Variants in GALNTL6 observed in about 807,000 individuals in gnomAD.
The protein encoded by GALNTL6 is polypeptide N-acetylgalactosaminyltransferase-like 6.
Under a neutral mutation model 73.7 loss-of-function variants are expected in GALNTL6, and 46 were observed. The ratio of observed to expected loss-of-function variants is 0.62; its 90% CI spans 0.49 to 0.80. GALNTL6 has a LOEUF of 0.80. GALNTL6 is among the 30% of genes least tolerant of loss of function. GALNTL6 has a pLI of 0.00. For missense variants in GALNTL6, 604 were observed against 755.0 expected (o/e 0.80, Z 2.34); for synonymous variants, 259 against 263.7 (o/e 0.98, Z 0.17).
At chr4:172,135,574 G>T (rs1393215360) in intron 2 of GALNTL6, among the ~76,000 whole-genome samples, 1 of 151,882 alleles carries the variant, frequency 6.6e-6, no homozygotes, top group South Asian at 2.1e-4. Context: ...CGTCCTTCAG[G>T]GCTTCAATTG....
chr4:172,739,253 G>T (rs1340223644), intron 5 of GALNTL6, among the ~76,000 whole-genome samples: 1 of 152,130 alleles, frequency 6.6e-6, no homozygotes, highest in Non-Finnish European at 1.5e-5. Context: ...TGAGATTGTG[G>T]ATGACTATTT....
chr4:173,005,536 T>A (rs1313927702), intron 10 of GALNTL6, among the ~76,000 whole-genome samples: 2 of 144,114 alleles, frequency 1.4e-5, no homozygotes, highest in Non-Finnish European at 3.1e-5. Context: ...TTAAAAAAAA[T>A]ATATTATTAG....
intron 5 of GALNTL6, among the ~76,000 whole-genome samples, chr4:172,560,532 G>A (rs1158652945): frequency 1.3e-5 from 2 of 152,076 alleles, no homozygotes; most frequent in African/African-American, 2.4e-5. Flanking sequence ...GCAGAAGGTT[G>A]TGGGTTGGAT....
chr4:172,690,671 G>A (rs934482104), intron 5 of GALNTL6, among the ~76,000 whole-genome samples: 10 of 152,204 alleles, frequency 6.6e-5, no homozygotes, highest in African/African-American at 2.4e-4. Flanking sequence ...TTCCTTAGAC[G>A]GAAAAGTGAC....
chr4:172,852,802 G>T (rs556251809), intron 7 of GALNTL6, among the ~76,000 whole-genome samples: 2 of 151,892 alleles, frequency 1.3e-5, no homozygotes, highest in African/African-American at 4.8e-5. Flanking sequence ...TAAAGAAACC[G>T]GATCAAAAAA....
At chr4:172,958,581 T>C (rs1561055966) in intron 10 of GALNTL6, among the ~76,000 whole-genome samples, 1 of 152,148 alleles carries the variant, frequency 6.6e-6, no homozygotes, top group East Asian at 1.9e-4. Context: ...GGAAAGGAGT[T>C]GTTGTTTTGT....
At chr4:172,098,256 G>C (rs897822608) in intron 2 of GALNTL6, among the ~76,000 whole-genome samples, 2 of 151,942 alleles carry the variant, frequency 1.3e-5, no homozygotes, top group African/African-American at 4.8e-5. Flanking sequence ...CTAATAAGAT[G>C]TGAACTAAAT....
intron 2 of GALNTL6, among the ~76,000 whole-genome samples, chr4:172,201,616 T>G (rs2110903077): frequency 6.6e-6 from 1 of 152,278 alleles, no homozygotes; most frequent in Non-Finnish European, 1.5e-5. Flanking sequence ...ATAAACTGTT[T>G]AATTTTAAGA....
At chr4:172,126,458 G>A (rs1386982529) in intron 2 of GALNTL6, among the ~76,000 whole-genome samples, 2 of 152,038 alleles carry the variant, frequency 1.3e-5, no homozygotes, top group East Asian at 1.9e-4. Context: ...ACAGAACACC[G>A]GCGTTCAATA....
chr4:172,753,213 T>G (rs1737535109), intron 5 of GALNTL6, among the ~76,000 whole-genome samples: 1 of 152,262 alleles, frequency 6.6e-6, no homozygotes, highest in South Asian at 2.1e-4. Context: ...CTCTCTTGCC[T>G]GCTGCCATGG....
chr4:172,321,088 ATTG>A (rs1434691868), intron 4 of GALNTL6, among the ~76,000 whole-genome samples: 5 of 152,176 alleles, frequency 3.3e-5, no homozygotes, highest in Non-Finnish European at 7.3e-5. Flanking sequence ...TGATTTTATT[ATTG>A]TTGTTAATCT....
At chr4:172,464,091 G>C (rs1453609041) in intron 5 of GALNTL6, among the ~76,000 whole-genome samples, 1 of 151,914 alleles carries the variant, frequency 6.6e-6, no homozygotes, top group Non-Finnish European at 1.5e-5. Flanking sequence ...ATATGAGACA[G>C]GGTCTTGCTA....
intron 5 of GALNTL6, among the ~76,000 whole-genome samples, chr4:172,412,048 T>A (rs1014111445): frequency 1.3e-5 from 2 of 151,870 alleles, no homozygotes; most frequent in Non-Finnish European, 2.9e-5. Context: ...TTATTTTTAG[T>A]TTTAGTTTTT....
rs1176853740 is a variant in GALNTL6, at chr4:172,323,450, C to T, written c.386+11698C>T. On this transcript the variant is annotated intron_variant, in intron 4 of 12. Coordinates refer to ENST00000506823, the MANE Select transcript of GALNTL6 (RefSeq NM_001034845.3). The stretch of plus-strand genomic sequence containing the variant: ...AATTGGTGCTTGGAAATGACTTATA[C>T]ATATATGCTTTATAACATGTTTGTC... Among the ~76,000 whole-genome samples the T allele has an allele frequency of 2.0e-5, 3 of 152,220 alleles. No individual in the cohort carries two copies. The East Asian group carries it at 5.8e-4, about 29-fold the overall frequency.
intron 5 of GALNTL6, among the ~76,000 whole-genome samples, chr4:172,431,858 T>TA (rs1422340655): frequency 9.9e-5 from 15 of 152,266 alleles, no homozygotes; most frequent in African/African-American, 3.6e-4. Flanking sequence ...CATATTTACA[T>TA]CTATGTAAAG....
intron 2 of GALNTL6, among the ~76,000 whole-genome samples, chr4:172,225,465 G>A (rs912435199): frequency 2.7e-5 from 4 of 150,214 alleles, no homozygotes; most frequent in Admixed American, 2.0e-4. Context: ...CAATTCATAC[G>A]GATTAGAGGT....
chr4:172,385,989 T>C (rs1426738746), intron 5 of GALNTL6, among the ~76,000 whole-genome samples: 2 of 152,102 alleles, frequency 1.3e-5, no homozygotes, highest in Non-Finnish European at 2.9e-5. Flanking sequence ...CACGTTAATG[T>C]CAACTAAAGT....
chr4:172,856,145 T>G (rs1744111108), intron 7 of GALNTL6, among the ~76,000 whole-genome samples: 2 of 152,230 alleles, frequency 1.3e-5, no homozygotes, highest in Non-Finnish European at 2.9e-5. Context: ...TCAACGTAGT[T>G]GGTCCTTCTT....
chr4:172,178,030 T>A (rs1333811798), intron 2 of GALNTL6, among the ~76,000 whole-genome samples: 1 of 151,710 alleles, frequency 6.6e-6, no homozygotes, highest in Non-Finnish European at 1.5e-5. Context: ...TTTTAAAAAA[T>A]TGATTTCTAT....
Sources: gnomAD v4.1 joint callset for allele counts (sites outside exome capture counted in the v4.1 genomes callset) on GRCh38, gnomAD v4.1.1 for gene constraint, MANE v1.5 for transcripts, NCBI Gene and HGNC (gene_info 2026-07-23, HGNC 2026-07-21) for gene names.